Variants in SLIT2 observed in about 807,000 individuals in gnomAD.
SLIT2 encodes slit homolog 2 protein.
Under a neutral mutation model 185.7 loss-of-function variants are expected in SLIT2, and 41 were observed. The observed-to-expected ratio is 0.22, with a 90% CI of 0.17 to 0.29. The LOEUF is 0.29. SLIT2 is among the 10% of genes least tolerant of loss of function. The probability of loss-of-function intolerance (pLI) is 1.00; values close to 1 mark genes in which losing one functional copy is unlikely to be tolerated. For synonymous variants in SLIT2, 693 were observed against 680.2 expected (o/e 1.02, Z -0.29); for missense variants, 1,571 against 1,909.0 (o/e 0.82, Z 3.30).
chr4:20,586,956 G>A (rs1244143909), intron 29 of SLIT2, among the ~76,000 whole-genome samples: 2 of 152,080 alleles, frequency 1.3e-5, no homozygotes, highest in Admixed American at 6.6e-5. Flanking sequence ...AAGTTAGGCA[G>A]TAATTGGATG....
chr4:20,321,624 T>G (rs1329916580), intron 4 of SLIT2, among the ~76,000 whole-genome samples: 1 of 152,178 alleles, frequency 6.6e-6, no homozygotes, highest in Admixed American at 6.5e-5. Context: ...GTAATACTGG[T>G]TCACTGCATT....
chr4:20,536,159 A>C (rs1722260915), intron 18 of SLIT2, among the ~76,000 whole-genome samples: 1 of 152,212 alleles, frequency 6.6e-6, no homozygotes, highest in Admixed American at 6.5e-5. Flanking sequence ...CTTAACAAGA[A>C]TGGAGCTTGC....
At chr4:20,534,289 G>A (rs1399257334) in intron 18 of SLIT2, among the ~76,000 whole-genome samples, 2 of 152,158 alleles carry the variant, frequency 1.3e-5, no homozygotes, top group East Asian at 1.9e-4. Flanking sequence ...AAGAAAGACA[G>A]GCTGGTGATA....
chr4:20,276,959 A>G (rs921482527), intron 4 of SLIT2, among the ~76,000 whole-genome samples: 7 of 152,248 alleles, frequency 4.6e-5, no homozygotes, highest in Non-Finnish European at 7.3e-5. Flanking sequence ...TTTATTGCTC[A>G]AAGTGTTACC....
chr4:20,619,220 T>C lies in SLIT2; in HGVS notation c.*211T>C. ...AAGCTTCCCCTATGCTGGAGAAGTA[T>C]GAAGAAAGATATACCTGGAGACATT... On this transcript the variant is annotated 3_prime_UTR_variant, in exon 37 of 37. Coordinates refer to ENST00000504154, the MANE Select transcript of SLIT2 (RefSeq NM_004787.4). 2.0e-6 allele frequency: 1 copy of C among 496,602 alleles called. No homozygotes were observed. The highest frequency in any genetic ancestry group is 3.5e-6 in the Non-Finnish European group (1 of 289,394). The allele number at this position is 496,602 out of a possible 1,614,324, so 30.8% of individuals were successfully genotyped here. A position where few individuals can be genotyped will look rare whatever the true frequency, so the allele number is the denominator to read the frequency against.
chr4:20,297,572 C>T (rs1403580834), intron 4 of SLIT2, among the ~76,000 whole-genome samples: 2 of 152,022 alleles, frequency 1.3e-5, no homozygotes, highest in Non-Finnish European at 2.9e-5. Flanking sequence ...TTTTGATTCC[C>T]CAGGCAAAAA....
intron 5 of SLIT2, among the ~76,000 whole-genome samples, chr4:20,472,376 C>T (rs371383039): frequency 2.2e-4 from 2 of 9,254 alleles, no homozygotes; most frequent in African/African-American, 1.3e-3. Context: ...ATATCTATAT[C>T]TATATATATG....
intron 29 of SLIT2, among the ~76,000 whole-genome samples, chr4:20,581,240 A>G (rs1038721707): frequency 2.6e-5 from 4 of 152,150 alleles, no homozygotes; most frequent in East Asian, 1.9e-4. Flanking sequence ...TCTTCCCTCT[A>G]TGCCTGTCTT....
intron 4 of SLIT2, among the ~76,000 whole-genome samples, chr4:20,430,890 T>C (rs531452861): frequency 9.8e-5 from 15 of 152,316 alleles, no homozygotes; most frequent in Non-Finnish European, 2.1e-4. Context: ...CATATCTACA[T>C]GTATACCATC....
At chr4:20,272,269 G>GT (rs1422009939) in intron 4 of SLIT2, among the ~76,000 whole-genome samples, 4 of 124,280 alleles carry the variant, frequency 3.2e-5, no homozygotes, top group Non-Finnish European at 6.6e-5. Context: ...TAGGTTGGAG[G>GT]TTAAAAAAAA....
chr4:20,295,721 T>G (rs984063022), intron 4 of SLIT2, among the ~76,000 whole-genome samples: 1 of 152,188 alleles, frequency 6.6e-6, no homozygotes, highest in Non-Finnish European at 1.5e-5. Flanking sequence ...ATTGAAAGAT[T>G]TTTGCTGTGC....
intron 29 of SLIT2, among the ~76,000 whole-genome samples, chr4:20,583,293 T>C (rs2148938108): frequency 6.6e-6 from 1 of 152,306 alleles, no homozygotes; most frequent in Non-Finnish European, 1.5e-5. Context: ...ACTCAAAATA[T>C]ATGGTGATGT....
In SLIT2 at chr4:20,472,555, GATAT is replaced by G. The variant is rs369391653; in HGVS notation, c.467+4737_467+4740del. 6.6e-4 allele frequency among the ~76,000 whole-genome samples: 4 copies of G among 6,032 alleles called. 1 individual carries two copies. Among genetic ancestry groups the G allele is most frequent in the African/African-American group, 4.1e-3 (4 of 986 alleles). 4.0% of individuals were successfully genotyped at this position (6,032 alleles called of 152,430 possible). On this transcript the variant is annotated intron_variant, in intron 5 of 36. Transcript: ENST00000504154. ...ATAGATATATCTATATCTATATATA[GATAT>G]ATATCTATATATAGATATATCTATA...
intron 4 of SLIT2, among the ~76,000 whole-genome samples, chr4:20,368,329 A>G (rs1205206560): frequency 1.3e-5 from 2 of 151,514 alleles, no homozygotes; most frequent in African/African-American, 4.8e-5. Flanking sequence ...AGAAAGTATA[A>G]TAATAATAAA....
chr4:20,567,144 T>C, intron 26 of SLIT2, 118 bp from the exon 27 acceptor site: 1 of 919,446 alleles, frequency 1.1e-6, no homozygotes, highest in East Asian at 2.4e-5. Context: ...GAGAGACACA[T>C]ATAGATATGT....
intron 4 of SLIT2, among the ~76,000 whole-genome samples, chr4:20,412,252 A>G (rs999787045): frequency 6.6e-5 from 10 of 151,994 alleles, no homozygotes; most frequent in African/African-American, 2.4e-4. Flanking sequence ...TGTTTTTATC[A>G]AGAACAAATT....
chr4:20,254,035 C>A lies in SLIT2; in HGVS notation c.179+41C>A, dbSNP rs778068023. ...TCGTCTTCCCCTCTCCCCATCCGGG[C>A]CGCGCACCCCTGCCTCCACTGGAGG... is the stretch of plus-strand genomic sequence containing the variant. On this transcript the variant is annotated intron_variant, in intron 1 of 36. Transcript: ENST00000504154. This position sits in a 1 kb window ranked among gnomAD's most constrained non-coding sequence, Gnocchi z 5.1. 3 of 1,572,604 alleles carry A rather than the reference C, an allele frequency of 1.9e-6. No homozygotes were observed. In the Admixed American group the frequency reaches 5.1e-5, roughly 27 times the overall value.
At chr4:20,298,613 C>T (rs929009955) in intron 4 of SLIT2, among the ~76,000 whole-genome samples, 1 of 152,048 alleles carries the variant, frequency 6.6e-6, no homozygotes, top group African/African-American at 2.4e-5. Context: ...CATTTTGGCC[C>T]CTTTATTGCT....
chr4:20,341,707 T>C (rs566612820), intron 4 of SLIT2, among the ~76,000 whole-genome samples: 1 of 152,302 alleles, frequency 6.6e-6, no homozygotes, highest in South Asian at 2.1e-4. Context: ...AAAACAGCCA[T>C]TTAACGCATT....
Sources: allele counts gnomAD v4.1 joint callset (sites outside exome capture counted in the v4.1 genomes callset), GRCh38; gene constraint gnomAD v4.1.1; non-coding constraint Gnocchi (gnomAD v3.1); transcripts MANE v1.5; gene names NCBI Gene and HGNC (gene_info 2026-07-23, HGNC 2026-07-21).